CSGALNACT1: variants seen among roughly 807,000 people sequenced by gnomAD.
The protein encoded by CSGALNACT1 is beta4GalNAcT-1.
In CSGALNACT1, 52 loss-of-function variants were observed where a neutral mutation model predicts 51.0. The observed-to-expected ratio is 1.02, with a 90% CI of 0.82 to 1.29. CSGALNACT1 has a LOEUF of 1.29. Among genes scored for constraint, CSGALNACT1 ranks in the 50% most tolerant of loss-of-function variants. The pLI is 0.00. For missense variants in CSGALNACT1, 935 were observed against 679.2 expected, an observed-to-expected ratio of 1.38 and a Z score of -4.19; for synonymous variants, 341 against 254.4, an observed-to-expected ratio of 1.34 and a Z score of -3.24.
At chr8:19,690,289 G>A (rs541576929) in intron 1 of CSGALNACT1, among the ~76,000 whole-genome samples, 2 of 152,238 alleles carry the variant, frequency 1.3e-5, no homozygotes, top group South Asian at 4.1e-4. Context: ...TTATAGCCAA[G>A]TAATGCTATT....
intron 1 of CSGALNACT1, among the ~76,000 whole-genome samples, chr8:19,652,506 C>T (rs2057902682): frequency 1.3e-5 from 2 of 152,118 alleles, no homozygotes; most frequent in South Asian, 2.1e-4. Context: ...TACCTCCTAC[C>T]TCTTCCATAA....
chr8:19,535,094 G>C (rs1018355833), intron 3 of CSGALNACT1, among the ~76,000 whole-genome samples: 2 of 152,064 alleles, frequency 1.3e-5, no homozygotes, highest in African/African-American at 4.8e-5. Context: ...TGTGCTGAGA[G>C]AAAGAATGTG....
At chr8:19,459,988 T>TC in intron 4 of CSGALNACT1, among the ~76,000 whole-genome samples, 1 of 152,144 alleles carries the variant, frequency 6.6e-6, no homozygotes, top group South Asian at 2.1e-4. Context: ...CTCCCTAGGG[T>TC]CTAGGTGACA....
intron 1 of CSGALNACT1, among the ~76,000 whole-genome samples, chr8:19,611,675 G>C (rs1349603205): frequency 6.6e-6 from 1 of 152,136 alleles, no homozygotes. Flanking sequence ...TCATGAACAG[G>C]ATCCTGTATG....
At position 19,549,578 on chromosome 8, in the gene CSGALNACT1, G is replaced by C. The variant is rs1156527945; in HGVS notation, c.-297+41582C>G. 2.0e-5 allele frequency among the ~76,000 whole-genome samples: 3 copies of C among 151,440 alleles called. No homozygotes were observed. In the East Asian group the frequency reaches 5.8e-4, roughly 29 times the overall value. The stretch of plus-strand genomic sequence containing the variant: ...CAGCCTGTTCTCCAGGCCTGACACA[G>C]GTGATGTTCAAAGGTCACCCTGAAA... On this transcript the variant is annotated intron_variant, in intron 3 of 9. Coordinates refer to ENST00000454498, the Ensembl canonical transcript of CSGALNACT1.
At chr8:19,673,214 G>T (rs541821308) in intron 1 of CSGALNACT1, among the ~76,000 whole-genome samples, 1 of 152,194 alleles carries the variant, frequency 6.6e-6, no homozygotes, top group African/African-American at 2.4e-5. Context: ...AGGAACAAAG[G>T]GGATATGGGA....
intron 1 of CSGALNACT1, among the ~76,000 whole-genome samples, chr8:19,649,681 C>A (rs2057601888): frequency 6.6e-6 from 1 of 151,620 alleles, no homozygotes; most frequent in South Asian, 2.1e-4. Context: ...ACCCCAAAAC[C>A]CACTATCAAG....
At chr8:19,651,373 C>A (rs2057787340) in intron 1 of CSGALNACT1, among the ~76,000 whole-genome samples, 1 of 152,122 alleles carries the variant, frequency 6.6e-6, no homozygotes, top group Admixed American at 6.5e-5. Flanking sequence ...ACCAAGGTAA[C>A]AAGGCTCGCA....
At chr8:19,728,179 G>C (rs187825425) in intron 1 of CSGALNACT1, among the ~76,000 whole-genome samples, 1 of 152,042 alleles carries the variant, frequency 6.6e-6, no homozygotes, top group Non-Finnish European at 1.5e-5. Flanking sequence ...AATCTCGTAG[G>C]GTTGTTATGA....
intron 1 of CSGALNACT1, among the ~76,000 whole-genome samples, chr8:19,710,406 G>C (rs1016227395): frequency 6.6e-6 from 1 of 152,134 alleles, no homozygotes; most frequent in African/African-American, 2.4e-5. Flanking sequence ...TCCTGTAAAA[G>C]AAATAGATCG....
chr8:19,504,170 G>T (rs891467831), intron 4 of CSGALNACT1, among the ~76,000 whole-genome samples: 4 of 151,898 alleles, frequency 2.6e-5, no homozygotes, highest in Non-Finnish European at 4.4e-5. Flanking sequence ...TCTGCCTCCT[G>T]GGTTCACGCC....
intron 1 of CSGALNACT1, among the ~76,000 whole-genome samples, chr8:19,617,144 T>C (rs2053141734): frequency 6.6e-6 from 1 of 152,158 alleles, no homozygotes; most frequent in Non-Finnish European, 1.5e-5. Flanking sequence ...ACAACCTAGA[T>C]CCTTGACATG....
At chr8:19,437,242 A>C (rs1306214823) in intron 6 of CSGALNACT1, among the ~76,000 whole-genome samples, 1 of 152,152 alleles carries the variant, frequency 6.6e-6, no homozygotes, top group Non-Finnish European at 1.5e-5. Context: ...ATGGGGGTTG[A>C]GGTTTGAATT....
intron 3 of CSGALNACT1, among the ~76,000 whole-genome samples, chr8:19,539,793 G>A (rs2084661955): frequency 6.6e-6 from 1 of 152,132 alleles, no homozygotes. Context: ...TTCCAGAGGC[G>A]ATGCCCCTCC....
At chr8:19,633,695 A>C (rs1370946083) in intron 1 of CSGALNACT1, among the ~76,000 whole-genome samples, 3 of 152,212 alleles carry the variant, frequency 2.0e-5, no homozygotes, top group Admixed American at 2.0e-4. Flanking sequence ...TTCAGATTTC[A>C]GATTTCAGAC....
chr8:19,690,713 T>C (rs886901774), intron 1 of CSGALNACT1, among the ~76,000 whole-genome samples: 1 of 152,212 alleles, frequency 6.6e-6, no homozygotes, highest in African/African-American at 2.4e-5. Flanking sequence ...ATTAATAATA[T>C]GTGATTGAAA....
intron 6 of CSGALNACT1, among the ~76,000 whole-genome samples, chr8:19,424,277 C>T (rs758057276): frequency 6.6e-6 from 1 of 152,156 alleles, no homozygotes; most frequent in African/African-American, 2.4e-5. Flanking sequence ...TGTCATCCAT[C>T]TGTGTTTCCC....
intron 1 of CSGALNACT1, among the ~76,000 whole-genome samples, chr8:19,745,285 A>T (rs1359415207): frequency 1.3e-5 from 2 of 152,210 alleles, no homozygotes; most frequent in East Asian, 1.9e-4. Flanking sequence ...TCACCCCTTG[A>T]CTTAGATACA....
intron 1 of CSGALNACT1, among the ~76,000 whole-genome samples, chr8:19,700,860 C>G (rs769647343): frequency 6.6e-6 from 1 of 152,176 alleles, no homozygotes; most frequent in Non-Finnish European, 1.5e-5. Flanking sequence ...CCATCCTTCC[C>G]TTTCTCTTAG....
Sources: gnomAD v4.1 joint callset for allele counts (sites outside exome capture counted in the v4.1 genomes callset) on GRCh38, gnomAD v4.1.1 for gene constraint, MANE v1.5 for transcripts, NCBI Gene and HGNC (gene_info 2026-07-23, HGNC 2026-07-21) for gene names.